The following DPP6 variants were observed in gnomAD, a reference collection of about 807,000 sequenced individuals.
DPP6 encodes A-type potassium channel modulatory protein DPP6.
A neutral mutation model predicts 122.6 loss-of-function variants in DPP6; 69 were observed. The observed-to-expected ratio is 0.56, with a 90% CI of 0.46 to 0.69. The LOEUF (loss-of-function observed/expected upper bound fraction) is 0.69. DPP6 is among the 30% of genes least tolerant of loss of function. The pLI is 0.00. For synonymous variants in DPP6, 418 were observed against 433.1 expected (o/e 0.97, Z 0.43); for missense variants, 928 against 1,116.9 (o/e 0.83, Z 2.41).
chr7:153,999,589 G>C (rs1043727993), intron 1 of DPP6, among the ~76,000 whole-genome samples: 1 of 152,154 alleles, frequency 6.6e-6, no homozygotes, highest in Non-Finnish European at 1.5e-5. Context: ...TGAAGGATAA[G>C]TCCTTAAGGC....
At chr7:154,416,347 A>G (rs1194059029) in intron 1 of DPP6, among the ~76,000 whole-genome samples, 1 of 152,050 alleles carries the variant, frequency 6.6e-6, no homozygotes, top group Non-Finnish European at 1.5e-5. Flanking sequence ...ACACAACACG[A>G]TGCCTGTGTC....
Position 154,282,862 on chromosome 7 carries a change from T to C in DPP6, c.244-163352T>C, listed in dbSNP as rs1011722699. Among the ~76,000 whole-genome samples, 9 of 152,158 alleles carry C rather than the reference T, an allele frequency of 5.9e-5. No individual in the cohort carries two copies. The highest frequency in any genetic ancestry group is 2.9e-5 in the Non-Finnish European group (2 of 68,024). On this transcript the variant is annotated intron_variant, in intron 1 of 25. Coordinates refer to ENST00000377770, the MANE Select transcript of DPP6 (RefSeq NM_130797.4). This position sits in a 1 kb window ranked among gnomAD's most constrained non-coding sequence, Gnocchi z 4.8. ...AAGAGGTTGAAGGAGAGATTGCCAC[T>C]CTTTGGAGCCACATCTGAATGCCAG...
chr7:154,430,080 C>T (rs1173324639), intron 1 of DPP6, among the ~76,000 whole-genome samples: 3 of 152,082 alleles, frequency 2.0e-5, no homozygotes, highest in African/African-American at 4.8e-5. Context: ...TTCTAGGGGC[C>T]GCTGTCAGAA....
chr7:154,466,271 G>A (rs1277008368), intron 2 of DPP6, among the ~76,000 whole-genome samples: 1 of 152,156 alleles, frequency 6.6e-6, no homozygotes, highest in Non-Finnish European at 1.5e-5. Flanking sequence ...GGGTTGATGG[G>A]TGTGGCAAAC....
chr7:154,051,996 C>T (rs1414089804), upstream of DPP6, among the ~76,000 whole-genome samples: 5 of 151,478 alleles, frequency 3.3e-5, no homozygotes, highest in Non-Finnish European at 7.4e-5. Flanking sequence ...GGGAGCCCGG[C>T]GCCGCAGCGC....
intron 7 of DPP6, among the ~76,000 whole-genome samples, chr7:154,710,921 G>A (rs958821147): frequency 2.0e-5 from 3 of 152,170 alleles, no homozygotes; most frequent in African/African-American, 4.8e-5. Context: ...TCTGTGCTTC[G>A]CCCTATAAAT....
chr7:154,884,458 C>CAT (rs2150688325), intron 21 of DPP6: 1 of 151,230 alleles, frequency 6.6e-6, no homozygotes, highest in South Asian at 2.1e-4. Flanking sequence ...CTCACATACA[C>CAT]ACGAGTACAT....
intron 1 of DPP6, among the ~76,000 whole-genome samples, chr7:154,252,507 C>G (rs1410279139): frequency 4.6e-5 from 7 of 152,116 alleles, no homozygotes; most frequent in Non-Finnish European, 1.0e-4. Flanking sequence ...TATTTCTCAC[C>G]CCTGGGCAGA....
chr7:154,658,200 A>G (rs1163614506), intron 6 of DPP6, among the ~76,000 whole-genome samples: 1 of 152,212 alleles, frequency 6.6e-6, no homozygotes, highest in Non-Finnish European at 1.5e-5. Context: ...TAATGTTTCA[A>G]TATTGGTTTA....
At chr7:154,881,406 A>G (rs936331211) in intron 21 of DPP6, among the ~76,000 whole-genome samples, 1 of 152,216 alleles carries the variant, frequency 6.6e-6, no homozygotes, top group African/African-American at 2.4e-5. Context: ...GGCCCTTGTC[A>G]GAAGGCTGTA....
At chr7:154,252,235 T>TGTGTGTGTGC (rs60245069) in intron 1 of DPP6, among the ~76,000 whole-genome samples, 14 of 149,346 alleles carry the variant, frequency 9.4e-5, no homozygotes, top group African/African-American at 3.3e-4. Context: ...TGTGTGTGTG[T>TGTGTGTGTGC]GCGCGCATGC....
chr7:153,855,136 C>T, the DPP6 span, among the ~76,000 whole-genome samples: 1 of 144,196 alleles, frequency 6.9e-6, no homozygotes, highest in Non-Finnish European at 1.5e-5. Flanking sequence ...ATACCTAATG[C>T]TAGATGACAA....
intron 1 of DPP6, among the ~76,000 whole-genome samples, chr7:154,144,380 A>G: frequency 6.6e-6 from 1 of 151,752 alleles, no homozygotes; most frequent in African/African-American, 2.4e-5. Context: ...TGTGGCATAT[A>G]AAAATCTTTC....
At chr7:153,785,683 C>A in the DPP6 span, among the ~76,000 whole-genome samples, 1 of 152,004 alleles carries the variant, frequency 6.6e-6, no homozygotes, top group Non-Finnish European at 1.5e-5. Flanking sequence ...TGCTCTGTTG[C>A]CCAGGCTGGG....
rs1285819451 is a variant in DPP6 at position 154,250,372 on chromosome 7, ACACCTGCAG to A, written c.244-195841_244-195833del. ...AAACAGGAATGATCTCCCCATGTCA[ACACCTGCAG>A]TGTGGGCCTGCATTTGGGAGGGCGT... On this transcript the variant is annotated intron_variant, in intron 1 of 25. Coordinates refer to ENST00000377770, the MANE Select transcript of DPP6 (RefSeq NM_130797.4). 3.3e-5 allele frequency among the ~76,000 whole-genome samples: 5 copies of A among 152,138 alleles called. No homozygotes were observed. The East Asian group carries it at 9.7e-4, about 30-fold the overall frequency.
intron 1 of DPP6, among the ~76,000 whole-genome samples, chr7:154,205,945 G>T (rs1266411268): frequency 6.6e-6 from 1 of 151,996 alleles, no homozygotes; most frequent in East Asian, 1.9e-4. Context: ...TCAGGCTGAT[G>T]CCCCCAGACC....
At chr7:154,140,195 A>G (rs530548691) in intron 1 of DPP6, among the ~76,000 whole-genome samples, 68 of 152,210 alleles carry the variant, frequency 4.5e-4, no homozygotes, top group South Asian at 2.1e-3. Flanking sequence ...TGCCTAACCT[A>G]CTCCAACCAG....
chr7:154,772,261 T>C (rs547345949), intron 9 of DPP6, among the ~76,000 whole-genome samples: 6 of 152,346 alleles, frequency 3.9e-5, no homozygotes, highest in African/African-American at 1.4e-4. Flanking sequence ...GTCGTGGGCC[T>C]GATAGCCTCT....
the DPP6 span, among the ~76,000 whole-genome samples, chr7:153,824,160 G>A: frequency 6.6e-5 from 10 of 152,130 alleles, no homozygotes; most frequent in African/African-American, 2.4e-4. Flanking sequence ...AGGCCTAGGC[G>A]GGTGGATCAC....
Sources: allele counts gnomAD v4.1 joint callset (sites outside exome capture counted in the v4.1 genomes callset), GRCh38; gene constraint gnomAD v4.1.1; non-coding constraint Gnocchi (gnomAD v3.1); transcripts MANE v1.5; gene names NCBI Gene and HGNC (gene_info 2026-07-23, HGNC 2026-07-21).